The following RIMS2 variants were observed in gnomAD, a reference collection of about 807,000 sequenced individuals.
The protein encoded by RIMS2 is regulating synaptic membrane exocytosis 2.
RIMS2 carries 59 observed loss-of-function variants against 174.4 expected under a neutral mutation model. The observed-to-expected ratio is 0.34, with a 90% CI of 0.27 to 0.42. RIMS2 has a LOEUF of 0.42. Among genes scored for constraint, RIMS2 ranks in the 10% least tolerant of loss-of-function variants. The pLI, the probability that RIMS2 is intolerant of heterozygous loss-of-function variation, is 1.00. For missense variants in RIMS2, 1,620 were observed against 1,666.3 expected (o/e 0.97, Z 0.48); for synonymous variants, 606 against 572.5 (o/e 1.06, Z -0.84).
At chr8:103,634,095 G>T (rs1325278242) in intron 1 of RIMS2, among the ~76,000 whole-genome samples, 1 of 151,928 alleles carries the variant, frequency 6.6e-6, no homozygotes, top group Non-Finnish European at 1.5e-5. Context: ...CTCTAATTTT[G>T]ATTCAGTTGT....
At chr8:103,962,566 G>T (rs911031072) in intron 15 of RIMS2, among the ~76,000 whole-genome samples, 1 of 152,088 alleles carries the variant, frequency 6.6e-6, no homozygotes, top group East Asian at 1.9e-4. Context: ...AATCCAATGC[G>T]ATTTTGAGAA....
intron 4 of RIMS2, among the ~76,000 whole-genome samples, chr8:103,892,369 A>T (rs527379360): frequency 8.6e-5 from 13 of 151,272 alleles, no homozygotes; most frequent in East Asian, 5.9e-4. Context: ...AGCCCAGCTA[A>T]TTTTTTTTAT....
chr8:103,759,954 C>G (rs1467337242), intron 2 of RIMS2, among the ~76,000 whole-genome samples: 1 of 152,094 alleles, frequency 6.6e-6, no homozygotes, highest in African/African-American at 2.4e-5. Flanking sequence ...AAAAAAGGAG[C>G]AGAAATATCA....
intron 19 of RIMS2, among the ~76,000 whole-genome samples, chr8:104,067,252 T>G (rs920648525): frequency 2.6e-5 from 4 of 152,172 alleles, no homozygotes; most frequent in Non-Finnish European, 5.9e-5. Flanking sequence ...ACTGTGTGAA[T>G]TTACTGACAT....
chr8:104,019,088 C>T (rs2096011536), intron 19 of RIMS2, among the ~76,000 whole-genome samples: 1 of 152,110 alleles, frequency 6.6e-6, no homozygotes, highest in Admixed American at 6.5e-5. Flanking sequence ...GTCCCAGCTA[C>T]TTGGGAGACT....
chr8:103,600,686 A>G (rs2094694018), intron 1 of RIMS2, among the ~76,000 whole-genome samples: 1 of 151,838 alleles, frequency 6.6e-6, no homozygotes, highest in South Asian at 2.1e-4. Context: ...CAATATGCTG[A>G]TTTCCTTGTT....
chr8:104,112,094 C>A (rs1371101762), intron 19 of RIMS2, among the ~76,000 whole-genome samples: 2 of 151,982 alleles, frequency 1.3e-5, no homozygotes, highest in Non-Finnish European at 2.9e-5. Context: ...TGGAATATAC[C>A]CTCTTCATTA....
chr8:104,204,339 A>G (rs979971068), intron 19 of RIMS2, among the ~76,000 whole-genome samples: 3 of 152,192 alleles, frequency 2.0e-5, no homozygotes, highest in Admixed American at 1.3e-4. Context: ...TAGGTAATAA[A>G]CCTTTAGTCC....
chr8:103,579,197 G>T (rs941643176), intron 1 of RIMS2, among the ~76,000 whole-genome samples: 2 of 151,744 alleles, frequency 1.3e-5, no homozygotes, highest in Non-Finnish European at 2.9e-5. Flanking sequence ...GAGCCTGGGA[G>T]TTCAGGACGA....
chr8:103,593,851 T>A (rs1213027605), intron 1 of RIMS2, among the ~76,000 whole-genome samples: 1 of 151,294 alleles, frequency 6.6e-6, no homozygotes, highest in Non-Finnish European at 1.5e-5. Flanking sequence ...ATTTAATTTC[T>A]AAAAAGTAGA....
intron 10 of RIMS2, among the ~76,000 whole-genome samples, chr8:103,925,649 T>C (rs2078631501): frequency 6.8e-6 from 1 of 147,602 alleles, no homozygotes. Context: ...TTACAATAAA[T>C]GAATTAATAG....
At chr8:103,720,053 T>G (rs2097426673) in intron 2 of RIMS2, among the ~76,000 whole-genome samples, 1 of 152,226 alleles carries the variant, frequency 6.6e-6, no homozygotes, top group Admixed American at 6.5e-5. Flanking sequence ...ATGTTACTAA[T>G]GGTCATGATT....
At chr8:103,782,435 T>TGG (rs759750946) in intron 3 of RIMS2, among the ~76,000 whole-genome samples, 1 of 108,458 alleles carries the variant, frequency 9.2e-6, no homozygotes, top group Non-Finnish European at 2.3e-5. Flanking sequence ...ATAAATCCCG[T>TGG]GTGTGTGTGT....
intron 17 of RIMS2, among the ~76,000 whole-genome samples, chr8:104,008,266 A>G (rs1006549326): frequency 6.6e-6 from 1 of 152,084 alleles, no homozygotes; most frequent in South Asian, 2.1e-4. Context: ...TATTTCATAA[A>G]AATAAGGATT....
chr8:103,547,296 C>T lies in RIMS2; in HGVS notation c.176+46234C>T, dbSNP rs28735988. Among the ~76,000 whole-genome samples the T allele has an allele frequency of 5.0e-3, 759 of 152,166 alleles. 4 individuals carry two copies. Among genetic ancestry groups the T allele is most frequent in the African/African-American group, 5.9e-3 (245 of 41,526 alleles). ...TTCTCTAGAGCTCTGTATCTTGTCACGCATTGCTGGCTTTCAACAAATGTT... is the reference window on the plus strand; with the variant it reads ...TTCTCTAGAGCTCTGTATCTTGTCATGCATTGCTGGCTTTCAACAAATGTT... On this transcript the variant is annotated intron_variant, in intron 1 of 23. Coordinates refer to ENST00000504942, the Ensembl canonical transcript of RIMS2.
intron 1 of RIMS2, among the ~76,000 whole-genome samples, chr8:103,593,060 C>T (rs1364406990): frequency 6.6e-6 from 1 of 151,378 alleles, no homozygotes; most frequent in Admixed American, 6.6e-5. Flanking sequence ...TGTTTGAAGA[C>T]ATTTTCTTGA....
chr8:103,612,410 T>A (rs968790059), intron 1 of RIMS2, among the ~76,000 whole-genome samples: 4 of 152,190 alleles, frequency 2.6e-5, no homozygotes, highest in African/African-American at 9.7e-5. Flanking sequence ...CAGTCTGGGC[T>A]TGTTTCTACC....
chr8:103,938,192 T>G (rs984938084), intron 13 of RIMS2, among the ~76,000 whole-genome samples: 5 of 152,168 alleles, frequency 3.3e-5, no homozygotes, highest in African/African-American at 7.2e-5. Context: ...AGTTACTCAC[T>G]TTCAGCTTTT....
intron 19 of RIMS2, among the ~76,000 whole-genome samples, chr8:104,067,247 G>A (rs980220241): frequency 2.0e-5 from 3 of 152,120 alleles, no homozygotes; most frequent in Non-Finnish European, 4.4e-5. Flanking sequence ...AACACACTGT[G>A]TGAATTTACT....
Sources: gnomAD v4.1 joint callset for allele counts (sites outside exome capture counted in the v4.1 genomes callset) on GRCh38, gnomAD v4.1.1 for gene constraint, MANE v1.5 for transcripts, NCBI Gene and HGNC (gene_info 2026-07-23, HGNC 2026-07-21) for gene names.